Variants in DCC observed in about 807,000 individuals in gnomAD.
The protein encoded by DCC is netrin receptor DCC.
DCC carries 58 observed loss-of-function variants against 172.5 expected under a neutral mutation model. That is an observed-to-expected ratio of 0.34 (90% CI 0.27 to 0.42). The LOEUF is 0.42. DCC is among the 10% of genes least tolerant of loss of function. The pLI is 1.00. For missense variants in DCC, 1,740 were observed against 1,791.0 expected (o/e 0.97, Z 0.51); for synonymous variants, 709 against 644.5 (o/e 1.10, Z -1.52).
chr18:52,471,192 A>G (rs1988934755), intron 1 of DCC, among the ~76,000 whole-genome samples: 1 of 152,134 alleles, frequency 6.6e-6, no homozygotes, highest in Non-Finnish European at 1.5e-5. Context: ...CTCTACAAAT[A>G]ACAAAAATTT....
chr18:53,483,222 T>G (rs900924030), intron 25 of DCC, among the ~76,000 whole-genome samples: 2 of 151,890 alleles, frequency 1.3e-5, no homozygotes, highest in African/African-American at 4.8e-5. Flanking sequence ...TTTTCTGGAG[T>G]CTGTTTACGT....
intron 1 of DCC, among the ~76,000 whole-genome samples, chr18:52,622,347 G>A (rs72917095): frequency 0.25 from 37,652 of 152,068 alleles, 5,191 homozygotes; most frequent in Middle Eastern, 0.34. Context: ...GGGTATTGGG[G>A]TCATGTGGAA....
intron 5 of DCC, among the ~76,000 whole-genome samples, chr18:52,967,032 G>C (rs1000033878): frequency 6.6e-6 from 1 of 152,132 alleles, no homozygotes; most frequent in Non-Finnish European, 1.5e-5. Context: ...CTAATGGTGA[G>C]GCAGGGAAAG....
intron 1 of DCC, among the ~76,000 whole-genome samples, chr18:52,602,419 G>GTA (rs2034035643): frequency 6.6e-6 from 1 of 151,792 alleles, no homozygotes; most frequent in Admixed American, 6.6e-5. Flanking sequence ...GTGTGTGTGT[G>GTA]TGTGATTCAA....
intron 7 of DCC, among the ~76,000 whole-genome samples, chr18:53,146,956 T>C (rs1317595499): frequency 6.6e-6 from 1 of 152,312 alleles, no homozygotes; most frequent in Admixed American, 6.5e-5. Flanking sequence ...TAAAAAAGAC[T>C]TTTAAAAAGA....
At chr18:52,451,779 C>T (rs1025461151) in intron 1 of DCC, among the ~76,000 whole-genome samples, 3 of 151,938 alleles carry the variant, frequency 2.0e-5, no homozygotes, top group African/African-American at 7.3e-5. Context: ...AGGGCTGGGT[C>T]CTGATTTTGC....
intron 7 of DCC, among the ~76,000 whole-genome samples, chr18:53,095,809 T>TTTTTTTTG (rs2043078251): frequency 7.4e-6 from 1 of 135,852 alleles, no homozygotes; most frequent in South Asian, 2.2e-4. Flanking sequence ...TTTTTTTTTT[T>TTTTTTTTG]GGAGGGTATG....
chr18:52,884,635 C>G (rs923122845), intron 2 of DCC, among the ~76,000 whole-genome samples: 1 of 152,124 alleles, frequency 6.6e-6, no homozygotes, highest in Non-Finnish European at 1.5e-5. Context: ...TTCTTCAAAA[C>G]AACTATTTTG....
At chr18:53,471,009 T>C (rs1490211423) in intron 25 of DCC, among the ~76,000 whole-genome samples, 1 of 152,208 alleles carries the variant, frequency 6.6e-6, no homozygotes, top group Non-Finnish European at 1.5e-5. Context: ...TACCAAATTA[T>C]TGTTTTCAAA....
chr18:53,324,316 G>C (rs2057443347), intron 14 of DCC, among the ~76,000 whole-genome samples: 1 of 152,154 alleles, frequency 6.6e-6, no homozygotes, highest in Non-Finnish European at 1.5e-5. Flanking sequence ...TCATTCATGT[G>C]TTTATTCAAC....
At chr18:53,207,962 C>G (rs2055679437) in intron 11 of DCC, 145 bp downstream of exon 11, 1 of 750,514 alleles carries the variant, frequency 1.3e-6, no homozygotes. Flanking sequence ...TGTAAACTTT[C>G]TATCAAGATA....
intron 1 of DCC, among the ~76,000 whole-genome samples, chr18:52,576,687 G>A (rs770843437): frequency 2.0e-5 from 3 of 151,970 alleles, no homozygotes; most frequent in African/African-American, 4.8e-5. Flanking sequence ...AAAATTAGCC[G>A]GGCATGGTGG....
At chr18:52,484,696 C>A (rs778257930) in intron 1 of DCC, among the ~76,000 whole-genome samples, 3 of 151,854 alleles carry the variant, frequency 2.0e-5, no homozygotes, top group Non-Finnish European at 2.9e-5. Context: ...CAGATTGCTA[C>A]CAAGAGCAAA....
chr18:53,514,949 T>C (rs1430973581), intron 27 of DCC, among the ~76,000 whole-genome samples: 2 of 151,102 alleles, frequency 1.3e-5, no homozygotes, highest in South Asian at 4.2e-4. Context: ...ACTCATTTTA[T>C]GAGGCCAGCA....
intron 26 of DCC, among the ~76,000 whole-genome samples, chr18:53,491,051 A>G (rs1482483395): frequency 1.3e-5 from 2 of 152,158 alleles, no homozygotes; most frequent in Non-Finnish European, 2.9e-5. Context: ...ATTTTGCTAA[A>G]GAGGGGACCT....
chr18:52,427,835 TCTTCCTTCCTTCCTTCCTTCCTTC>T (rs1206938130), intron 1 of DCC, among the ~76,000 whole-genome samples: 1 of 46,020 alleles, frequency 2.2e-5, no homozygotes, highest in Non-Finnish European at 5.3e-5. Flanking sequence ...TTCCTTCCTT[TCTTCCTTCCTTCCTTCCTTCCTTC>T]CTTCCTTCCT....
intron 2 of DCC, among the ~76,000 whole-genome samples, chr18:52,812,338 ATATATACT>A (rs150428712): frequency 0.037 from 5,690 of 152,248 alleles, 206 homozygotes; most frequent in South Asian, 0.17. Flanking sequence ...GCTTCTAAAA[ATATATACT>A]TATTTCTCTA....
intron 5 of DCC, among the ~76,000 whole-genome samples, chr18:53,023,471 A>C (rs1448210952): frequency 2.7e-5 from 4 of 150,898 alleles, no homozygotes; most frequent in Non-Finnish European, 5.9e-5. Context: ...TACGTCTTCA[A>C]TGTTAAAAAT....
intron 12 of DCC, among the ~76,000 whole-genome samples, chr18:53,289,433 G>T (rs1181451739): frequency 6.6e-6 from 1 of 152,082 alleles, no homozygotes; most frequent in Non-Finnish European, 1.5e-5. Flanking sequence ...GGGGACTATA[G>T]TATGGTGTGT....
Sources: allele counts gnomAD v4.1 joint callset (sites outside exome capture counted in the v4.1 genomes callset), GRCh38; gene constraint gnomAD v4.1.1; transcripts MANE v1.5; gene names NCBI Gene and HGNC (gene_info 2026-07-23, HGNC 2026-07-21).